Variants in NRXN1 observed in about 807,000 individuals in gnomAD.
NRXN1 encodes the protein neurexin 1, also known as neurexin-1.
Under a neutral mutation model 150.9 loss-of-function variants are expected in NRXN1, and 39 were observed. The ratio of observed to expected loss-of-function variants is 0.26; its 90% CI spans 0.20 to 0.34. The LOEUF is 0.34. NRXN1 is among the 10% of genes least tolerant of loss of function. The probability of loss-of-function intolerance (pLI) is 1.00; values close to 1 mark genes in which losing one functional copy is unlikely to be tolerated. For synonymous variants in NRXN1, 924 were observed against 757.0 expected (o/e 1.22, Z -3.62); for missense variants, 1,815 against 1,949.9 (o/e 0.93, Z 1.30).
rs1265535501 is a variant in NRXN1 at position 51,027,911 on chromosome 2, G to A, written c.363C>T (p.Arg121=). The A allele has an allele frequency of 5.6e-6, 9 of 1,608,232 alleles. No homozygotes were observed. Among genetic ancestry groups the A allele is most frequent in the Non-Finnish European group, 5.9e-6 (7 of 1,179,696 alleles). The change falls in exon 2 of 23, where the codon CGC becomes CGT. Residue 121 remains arginine, a synonymous_variant. Coordinates refer to ENST00000401669, the MANE Select transcript of NRXN1 (RefSeq NM_001330078.2). The part of the protein sequence containing the change: ...DGAWHSVRIR[R]QFRNTTLFID... Reference sequence around the variant, plus strand: ...TGAAGAGCGTGGTGTTGCGGAACTGGCGGCGGATGCGCACGCTGTGCCAGG... The same window carrying A: ...TGAAGAGCGTGGTGTTGCGGAACTGACGGCGGATGCGCACGCTGTGCCAGG...
rs1036895301 is a variant in NRXN1, at chr2:50,554,029, T to C, written c.1321-1004A>G. Among the ~76,000 whole-genome samples, 4 of 152,236 alleles carry C rather than the reference T, an allele frequency of 2.6e-5. No individual in the cohort carries two copies. In the South Asian group the frequency reaches 8.3e-4, roughly 32 times the overall value. On this transcript the variant is annotated intron_variant, in intron 8 of 22. Coordinates refer to ENST00000401669, the MANE Select transcript of NRXN1 (RefSeq NM_001330078.2). ...CTAAAATACATAGACCATACTTACTTGAGGGTGAATTAGTTATCTAGGTCC... is the reference window on the plus strand; with the variant it reads ...CTAAAATACATAGACCATACTTACTCGAGGGTGAATTAGTTATCTAGGTCC...
At chr2:50,018,796 C>T (rs1019316268) in intron 21 of NRXN1, among the ~76,000 whole-genome samples, 1 of 152,198 alleles carries the variant, frequency 6.6e-6, no homozygotes, top group Admixed American at 6.5e-5. Context: ...AACTGTTTCA[C>T]TAACATTTCC....
At chr2:50,294,182 G>T (rs528107936) in intron 17 of NRXN1, among the ~76,000 whole-genome samples, 1 of 152,114 alleles carries the variant, frequency 6.6e-6, no homozygotes, top group Non-Finnish European at 1.5e-5. Flanking sequence ...AATTTATGGA[G>T]TAAAATAAAG....
chr2:50,046,136 G>T (rs1007819930), intron 21 of NRXN1, among the ~76,000 whole-genome samples: 2 of 152,192 alleles, frequency 1.3e-5, no homozygotes, highest in Admixed American at 6.6e-5. Flanking sequence ...TTTGAAGTTG[G>T]TGAGGAAGTA....
intron 18 of NRXN1, among the ~76,000 whole-genome samples, chr2:50,106,219 T>C (rs1240299346): frequency 6.6e-6 from 1 of 151,958 alleles, no homozygotes; most frequent in Non-Finnish European, 1.5e-5. Context: ...CCATCTTTTC[T>C]TTCTCCCCAA....
intron 19 of NRXN1, among the ~76,000 whole-genome samples, chr2:50,082,977 TG>T (rs1284682168): frequency 6.6e-6 from 1 of 151,786 alleles, no homozygotes; most frequent in African/African-American, 2.4e-5. Context: ...GCATTTGTTT[TG>T]GGGGCAAAAA....
At chr2:50,394,411 G>A (rs1023244575) in intron 17 of NRXN1, among the ~76,000 whole-genome samples, 3 of 152,146 alleles carry the variant, frequency 2.0e-5, no homozygotes, top group East Asian at 1.9e-4. Flanking sequence ...CAAGTCTTCC[G>A]CTAATAACAC....
intron 19 of NRXN1, among the ~76,000 whole-genome samples, chr2:50,076,708 A>T (rs1421191987): frequency 6.6e-6 from 1 of 152,200 alleles, no homozygotes; most frequent in Non-Finnish European, 1.5e-5. Flanking sequence ...TTCCTACAGC[A>T]ATTTTAGTCA....
At chr2:50,553,057 C>A in intron 8 of NRXN1, 32 bp from the exon 9 acceptor site, 6 of 1,462,838 alleles carry the variant, frequency 4.1e-6, no homozygotes, top group Non-Finnish European at 4.6e-6. Flanking sequence ...GAGAAACTAG[C>A]CTCCATATTT....
chr2:51,026,261 G>T (rs1330068620), intron 2 of NRXN1: 8 of 706,184 alleles, frequency 1.1e-5, no homozygotes, highest in South Asian at 3.4e-5. Context: ...AGCCACAAAT[G>T]CCATTTATCC....
intron 5 of NRXN1, among the ~76,000 whole-genome samples, chr2:50,732,165 T>G (rs1003479741): frequency 1.3e-5 from 2 of 152,178 alleles, no homozygotes; most frequent in Admixed American, 1.3e-4. Flanking sequence ...AAAACATAAT[T>G]TGTTCCCCAT....
chr2:50,083,778 G>T (rs565061960), intron 19 of NRXN1, among the ~76,000 whole-genome samples: 6 of 151,810 alleles, frequency 4.0e-5, no homozygotes, highest in African/African-American at 1.5e-4. Flanking sequence ...AGACACAAAC[G>T]TTCTCCACCT....
intron 21 of NRXN1, among the ~76,000 whole-genome samples, chr2:50,036,719 G>A (rs940626885): frequency 6.6e-6 from 1 of 152,142 alleles, no homozygotes; most frequent in Admixed American, 6.6e-5. Context: ...TGTGGCAAAA[G>A]CAATGTAACG....
intron 8 of NRXN1, chr2:50,588,758 A>G (rs537034403): frequency 1.4e-4 from 21 of 152,252 alleles, no homozygotes; most frequent in African/African-American, 4.6e-4. Flanking sequence ...GATGAACCCT[A>G]CGGCTCAGAG....
chr2:50,168,407 A>G (rs1376887711), intron 18 of NRXN1, among the ~76,000 whole-genome samples: 1 of 152,212 alleles, frequency 6.6e-6, no homozygotes, highest in African/African-American at 2.4e-5. Flanking sequence ...AAACTTGGGA[A>G]GCAACACAAT....
chr2:50,563,049 C>G (rs1669340664), intron 8 of NRXN1, among the ~76,000 whole-genome samples: 1 of 152,016 alleles, frequency 6.6e-6, no homozygotes, highest in African/African-American at 2.4e-5. Flanking sequence ...TCAGTTTATT[C>G]ACTTCAATAA....
At chr2:50,185,521 G>A (rs1349763573) in intron 18 of NRXN1, 1 of 152,072 alleles carries the variant, frequency 6.6e-6, no homozygotes, top group Admixed American at 6.6e-5. Flanking sequence ...TAATGTAAGA[G>A]TAGAAATAAA....
intron 18 of NRXN1, among the ~76,000 whole-genome samples, chr2:50,112,481 C>CTT (rs1702510108): frequency 1.3e-5 from 2 of 152,246 alleles, no homozygotes; most frequent in Non-Finnish European, 2.9e-5. Context: ...CGACTTTAGT[C>CTT]TTGATGAGTC....
At chr2:50,745,190 G>T (rs1457439717) in intron 5 of NRXN1, among the ~76,000 whole-genome samples, 1 of 151,994 alleles carries the variant, frequency 6.6e-6, no homozygotes, top group African/African-American at 2.4e-5. Flanking sequence ...GTTGATAATA[G>T]TATCTACATG....
Sources: gnomAD v4.1 joint callset for allele counts (sites outside exome capture counted in the v4.1 genomes callset) on GRCh38, gnomAD v4.1.1 for gene constraint, MANE v1.5 for transcripts, NCBI Gene and HGNC (gene_info 2026-07-23, HGNC 2026-07-21) for gene names.